The following CWC22 variants were observed in gnomAD, a reference collection of about 807,000 sequenced individuals.
The protein encoded by CWC22 is pre-mRNA-splicing factor CWC22 homolog.
In CWC22, 53 loss-of-function variants were observed where a neutral mutation model predicts 117.2. The observed-to-expected ratio is 0.45, with a 90% CI of 0.36 to 0.57. The LOEUF is 0.57. CWC22 is among the 20% of genes least tolerant of loss of function. The pLI is 0.00. For synonymous variants in CWC22, 360 were observed against 355.6 expected, an observed-to-expected ratio of 1.01 and a Z score of -0.14; for missense variants, 980 against 1,068.8, an observed-to-expected ratio of 0.92 and a Z score of 1.16.
At chr2:179,945,906 C>G (rs1371944203) in intron 19 of CWC22, among the ~76,000 whole-genome samples, 191 bp from the exon 20 acceptor site, 1 of 152,026 alleles carries the variant, frequency 6.6e-6, no homozygotes, top group African/African-American at 2.4e-5. Context: ...TTTTTTGAGA[C>G]AGTTTTGCTC....
intron 1 of CWC22, among the ~76,000 whole-genome samples, chr2:180,006,365 C>T (rs1280524425): frequency 6.6e-6 from 1 of 152,140 alleles, no homozygotes; most frequent in African/African-American, 2.4e-5. Context: ...TGTTGTAGGA[C>T]CCAGAGCTCG....
chr2:179,950,573 A>C lies in CWC22; in HGVS notation c.2079T>G (p.Ser693Arg). 6.2e-7 allele frequency: 1 copy of C among 1,613,348 alleles called. No homozygotes were observed. Among genetic ancestry groups the C allele is most frequent in the Non-Finnish European group, 8.5e-7 (1 of 1,179,516 alleles). ...CGCTCTCTTCACTGGAAGACTCTGA[A>C]CTGCTATCACTGCTGTCAGAATCAG... ...SDSDSDSSDS[S>R]SESSSEESDS... Residue 693 changes from serine (S) to arginine (R), a missense_variant, in exon 19 of 20, where the codon AGT (serine) becomes AGG (arginine). By Grantham distance (110) the Ser-to-Arg change is moderately radical. This residue lies in a region of CWC22 where 306 missense variants were observed against 296.8 expected (regional missense o/e 1.03). Coordinates refer to ENST00000410053, the MANE Select transcript of CWC22 (RefSeq NM_020943.3).
At chr2:180,005,381 T>C (rs1406496771) in intron 1 of CWC22, among the ~76,000 whole-genome samples, 1 of 152,044 alleles carries the variant, frequency 6.6e-6, no homozygotes, top group Non-Finnish European at 1.5e-5. Context: ...ACAGACACCA[T>C]CCTGGCTAAC....
At chr2:179,998,968 ATATTTCAATTTAG>A (rs1222611184) in intron 1 of CWC22, among the ~76,000 whole-genome samples, 16 of 152,256 alleles carry the variant, frequency 1.1e-4, no homozygotes, top group East Asian at 3.9e-4. Flanking sequence ...TTCAATTTAC[ATATTTCAATTTAG>A]TGAGTTTTCT....
intron 1 of CWC22, among the ~76,000 whole-genome samples, chr2:180,001,913 T>C (rs746703224): frequency 1.3e-5 from 2 of 152,246 alleles, no homozygotes; most frequent in East Asian, 1.9e-4. Context: ...GTTTTGTTCA[T>C]TGCTACATTC....
In CWC22 at chr2:179,981,877, A is replaced by G. The variant is rs1406127659; in HGVS notation, c.327T>C (p.Ala109=). ...PETSVTQSSS[A]QDEPATKKKK... is the part of the protein sequence containing the mutation. ...TTTTCTTTGTAGCAGGTTCATCCTG[A>G]GCAGAGGAACTCTGAGTTACTGATG... Residue 109 remains alanine (A), a synonymous_variant, in exon 5 of 20, where the codon GCT becomes GCC. Transcript: ENST00000410053. 6.2e-7 allele frequency: 1 copy of G among 1,611,924 alleles called. No homozygotes were observed.
chr2:179,972,951 G>T (rs1462462642), intron 8 of CWC22, among the ~76,000 whole-genome samples: 1 of 151,956 alleles, frequency 6.6e-6, no homozygotes, highest in Non-Finnish European at 1.5e-5. Flanking sequence ...AGAGCTTGCA[G>T]TGAGCCAAGA....
At chr2:179,963,698 C>G (rs1164012496) in intron 13 of CWC22, among the ~76,000 whole-genome samples, 1 of 152,090 alleles carries the variant, frequency 6.6e-6, no homozygotes, top group Non-Finnish European at 1.5e-5. Context: ...AAAAAAATTC[C>G]CAACCAATGT....
chr2:179,973,513 C>G (rs1662760896), intron 7 of CWC22, 121 bp downstream of exon 7: 1 of 716,052 alleles, frequency 1.4e-6, no homozygotes, highest in African/African-American at 1.8e-5. Context: ...TCATGAAAGA[C>G]AGTTTTTAAA....
chr2:179,971,395 TA>T (rs1277517857), intron 8 of CWC22, among the ~76,000 whole-genome samples: 1 of 152,142 alleles, frequency 6.6e-6, no homozygotes, highest in African/African-American at 2.4e-5. Flanking sequence ...TAAAATATGT[TA>T]AAAATCATAT....
chr2:179,993,437 T>C lies in CWC22; in HGVS notation c.-96A>G, dbSNP rs950976772. The stretch of plus-strand genomic sequence containing the variant: ...CTGAATTCCTTGACAGTTTACTTTT[T>C]CTGTCTGCAAACATCACCTATAAAA... On this transcript the variant is annotated 5_prime_UTR_variant, in exon 2 of 20. Coordinates refer to ENST00000410053, the MANE Select transcript of CWC22 (RefSeq NM_020943.3). 4.7e-6 allele frequency: 4 copies of C among 848,772 alleles called. No individual in the cohort carries two copies. The African/African-American group carries it at 5.1e-5, about 11-fold the overall frequency. 52.6% of individuals were successfully genotyped at this position (848,772 alleles called of 1,614,324 possible).
intron 19 of CWC22, among the ~76,000 whole-genome samples, chr2:179,949,910 A>G (rs1416225627): frequency 6.6e-6 from 1 of 152,220 alleles, no homozygotes; most frequent in East Asian, 1.9e-4. Flanking sequence ...AGACATAAAA[A>G]GGAGTCCATA....
chr2:180,005,097 A>G (rs1230884391), intron 1 of CWC22, among the ~76,000 whole-genome samples: 1 of 152,110 alleles, frequency 6.6e-6, no homozygotes, highest in Non-Finnish European at 1.5e-5. Flanking sequence ...AACTGGGTGA[A>G]GCCCAGTAAT....
At chr2:179,976,732 T>TA (rs1477230102) in intron 6 of CWC22, among the ~76,000 whole-genome samples, 1 of 151,872 alleles carries the variant, frequency 6.6e-6, no homozygotes, top group African/African-American at 2.4e-5. Context: ...ATGGCTGTAA[T>TA]AAAAAAGATG....
Position 179,993,378 on chromosome 2 carries a change from T to C in CWC22, c.-37A>G. 1.3e-6 allele frequency: 2 copies of C among 1,505,538 alleles called. No homozygotes were observed. The highest frequency in any genetic ancestry group is 1.8e-6 in the Non-Finnish European group (2 of 1,102,286). 93.3% of individuals were successfully genotyped at this position (1,505,538 alleles called of 1,614,324 possible). On this transcript the variant is annotated 5_prime_UTR_variant, in exon 2 of 20. Coordinates refer to ENST00000410053, the MANE Select transcript of CWC22 (RefSeq NM_020943.3). The stretch of plus-strand genomic sequence containing the variant: ...AGTTGGTCCAATAAATCAAAGATGC[T>C]TCAAACTGGTCCAAATAACAAGTAC...
At chr2:179,979,587 G>A (rs928849023) in intron 5 of CWC22, among the ~76,000 whole-genome samples, 6 of 152,152 alleles carry the variant, frequency 3.9e-5, no homozygotes, top group African/African-American at 1.2e-4. Flanking sequence ...TGGTGGGAAC[G>A]AGTATTGTAT....
intron 5 of CWC22, among the ~76,000 whole-genome samples, chr2:179,979,104 A>C (rs985021044): frequency 6.6e-6 from 1 of 152,184 alleles, no homozygotes; most frequent in African/African-American, 2.4e-5. Flanking sequence ...AGGAAGTCTT[A>C]ACCTTTTTTC....
chr2:179,958,866 A>G (rs577899410), intron 14 of CWC22, among the ~76,000 whole-genome samples, 156 bp downstream of exon 14: 5 of 152,346 alleles, frequency 3.3e-5, no homozygotes, highest in African/African-American at 1.2e-4. Context: ...AAACACCCTA[A>G]GCTTTGTGTT....
At chr2:179,991,083 A>T (rs918662691) in intron 2 of CWC22, among the ~76,000 whole-genome samples, 1 of 152,170 alleles carries the variant, frequency 6.6e-6, no homozygotes, top group African/African-American at 2.4e-5. Context: ...ACCTTTTAAA[A>T]TTTTTCGAAA....
Sources: allele counts gnomAD v4.1 joint callset (sites outside exome capture counted in the v4.1 genomes callset), GRCh38; gene constraint gnomAD v4.1.1; regional missense constraint gnomAD v4.1.1; transcripts MANE v1.5; gene names NCBI Gene and HGNC (gene_info 2026-07-23, HGNC 2026-07-21).